Variants in COG5 observed in about 807,000 individuals in gnomAD.
COG5 encodes the protein conserved oligomeric Golgi complex subunit 5.
A neutral mutation model predicts 110.4 loss-of-function variants in COG5; 86 were observed. That is an observed-to-expected ratio of 0.78 (90% CI 0.65 to 0.93). COG5 has a LOEUF of 0.93. Ranked by LOEUF, COG5 falls within the 40% of genes least tolerant of loss-of-function variation. The pLI is 0.00. For missense variants in COG5, 1,077 were observed against 987.0 expected (o/e 1.09, Z -1.22); for synonymous variants, 360 against 334.6 (o/e 1.08, Z -0.83).
chr7:107,358,180 T>TC (rs1812792149), intron 10 of COG5, among the ~76,000 whole-genome samples: 1 of 152,206 alleles, frequency 6.6e-6, no homozygotes, highest in African/African-American at 2.4e-5. Flanking sequence ...TAACTGTTCT[T>TC]ATGTTGTTTG....
At chr7:107,494,883 G>A (rs1413054868) in intron 6 of COG5, among the ~76,000 whole-genome samples, 2 of 152,146 alleles carry the variant, frequency 1.3e-5, no homozygotes, top group South Asian at 2.1e-4. Flanking sequence ...ACAGGAATCA[G>A]GGCAGGCAGA....
At chr7:107,299,769 T>C (rs190642121) in intron 11 of COG5, among the ~76,000 whole-genome samples, 103 of 146,966 alleles carry the variant, frequency 7.0e-4, no homozygotes, top group African/African-American at 2.5e-3. Context: ...TCAAACAATA[T>C]ATAAAAAGTA....
chr7:107,213,096 G>A (rs1799288599), intron 19 of COG5, among the ~76,000 whole-genome samples: 1 of 152,176 alleles, frequency 6.6e-6, no homozygotes. Flanking sequence ...CTGGGTGGTA[G>A]CTCTGTGTTG....
chr7:107,468,581 A>G (rs191576198), intron 6 of COG5, among the ~76,000 whole-genome samples: 2 of 152,312 alleles, frequency 1.3e-5, no homozygotes, highest in South Asian at 2.1e-4. Flanking sequence ...AGCTGTGCAG[A>G]AGATTTTAGA....
chr7:107,223,833 C>T (rs1266669921), intron 19 of COG5, among the ~76,000 whole-genome samples: 2 of 152,046 alleles, frequency 1.3e-5, no homozygotes, highest in Admixed American at 6.5e-5. Flanking sequence ...GTTTTAATTG[C>T]CTCATGGGGA....
intron 10 of COG5, among the ~76,000 whole-genome samples, chr7:107,329,965 T>C (rs1488866464): frequency 6.6e-6 from 1 of 152,134 alleles, no homozygotes; most frequent in Non-Finnish European, 1.5e-5. Flanking sequence ...ATAAAGAAAA[T>C]ATGAAGCTAT....
chr7:107,360,138 A>T (rs906274708), intron 10 of COG5, among the ~76,000 whole-genome samples: 2 of 152,100 alleles, frequency 1.3e-5, no homozygotes, highest in Non-Finnish European at 2.9e-5. Flanking sequence ...TGTGGATGGG[A>T]CCTACCCACT....
chr7:107,508,435 T>C (rs1462634032), intron 6 of COG5, among the ~76,000 whole-genome samples: 3 of 152,342 alleles, frequency 2.0e-5, no homozygotes, highest in East Asian at 1.9e-4. Context: ...CCTGCCTCTG[T>C]AGGCTCCACC....
At position 107,236,704 on chromosome 7, in the gene COG5, A is replaced by G. The variant is rs760888050; in HGVS notation, c.1854-17T>C. On this transcript the variant is annotated splice_polypyrimidine_tract_variant and intron_variant, in intron 17 of 21. Transcript: ENST00000297135. ...GATAATGACCTGTAAAAGAAAAAGC[A>G]GCCCTTTTCAGCACCGCTGCACTAA... 2 of 1,523,416 alleles carry G rather than the reference A, an allele frequency of 1.3e-6. No homozygotes were observed. Among genetic ancestry groups the G allele is most frequent in the South Asian group, 1.1e-5 (1 of 89,202 alleles). 94.4% of individuals were successfully genotyped at this position (1,523,416 alleles called of 1,614,324 possible).
At chr7:107,485,917 AT>A (rs1176630545) in intron 6 of COG5, among the ~76,000 whole-genome samples, 1 of 152,128 alleles carries the variant, frequency 6.6e-6, no homozygotes, top group African/African-American at 2.4e-5. Context: ...GGCACTGGAA[AT>A]GAACTCCGAA....
chr7:107,410,198 A>C (rs1240594622), intron 7 of COG5, among the ~76,000 whole-genome samples: 4 of 152,174 alleles, frequency 2.6e-5, no homozygotes, highest in African/African-American at 9.7e-5. Flanking sequence ...GATCTACTGA[A>C]TCAGAAATTC....
chr7:107,225,957 C>T (rs1457372646), intron 19 of COG5, among the ~76,000 whole-genome samples: 9 of 152,058 alleles, frequency 5.9e-5, no homozygotes, highest in South Asian at 2.1e-4. Flanking sequence ...GCAGGAGAAT[C>T]GCTTGAATCT....
chr7:107,444,544 T>A (rs147454613), intron 6 of COG5, among the ~76,000 whole-genome samples: 1 of 152,320 alleles, frequency 6.6e-6, no homozygotes, highest in East Asian at 1.9e-4. Context: ...TAATGAAACT[T>A]GTTCTAATTC....
At chr7:107,283,538 CT>C (rs1562949789) in intron 13 of COG5, 32 bp downstream of exon 13, 1 of 1,583,840 alleles carries the variant, frequency 6.3e-7, no homozygotes. Context: ...TGGCAGTCAT[CT>C]TATGGCAAGC....
intron 6 of COG5, among the ~76,000 whole-genome samples, chr7:107,462,809 G>A (rs1796081501): frequency 6.6e-6 from 1 of 152,144 alleles, no homozygotes; most frequent in Admixed American, 6.5e-5. Context: ...AATCTGGGAG[G>A]TACAGGTTTG....
At chr7:107,257,455 T>A (rs187730819) in intron 15 of COG5, among the ~76,000 whole-genome samples, 3 of 152,250 alleles carry the variant, frequency 2.0e-5, no homozygotes, top group Admixed American at 6.5e-5. Context: ...TTAAAATCTT[T>A]AAATAAGTGA....
chr7:107,452,541 T>C (rs1013243310), intron 6 of COG5, among the ~76,000 whole-genome samples: 1 of 152,162 alleles, frequency 6.6e-6, no homozygotes, highest in Non-Finnish European at 1.5e-5. Context: ...CAAGATCTGA[T>C]GGTTTTGAAA....
intron 5 of COG5, 96 bp downstream of exon 5, chr7:107,548,015 T>C: frequency 9.9e-7 from 1 of 1,006,880 alleles, no homozygotes; most frequent in Non-Finnish European, 1.5e-6. Context: ...TCTGTTCCCA[T>C]TCTCTTACTT....
At chr7:107,324,832 A>G (rs150043962) in intron 10 of COG5, among the ~76,000 whole-genome samples, 5 of 152,218 alleles carry the variant, frequency 3.3e-5, no homozygotes, top group African/African-American at 4.8e-5. Flanking sequence ...CAGGATAATT[A>G]TGAGGATTAA....
Sources: allele counts gnomAD v4.1 joint callset (sites outside exome capture counted in the v4.1 genomes callset), GRCh38; gene constraint gnomAD v4.1.1; transcripts MANE v1.5; gene names NCBI Gene and HGNC (gene_info 2026-07-23, HGNC 2026-07-21).